DLGAP2: variants seen among roughly 807,000 people sequenced by gnomAD.
DLGAP2 encodes disks large-associated protein 2.
DLGAP2 carries 26 observed loss-of-function variants against 100.3 expected under a neutral mutation model. The observed-to-expected ratio is 0.26, with a 90% CI of 0.19 to 0.36. The LOEUF (loss-of-function observed/expected upper bound fraction) is 0.36. Ranked by LOEUF, DLGAP2 falls within the 10% of genes least tolerant of loss-of-function variation. The probability of loss-of-function intolerance (pLI) is 1.00; values close to 1 mark genes in which losing one functional copy is unlikely to be tolerated. For synonymous variants in DLGAP2, 886 were observed against 630.1 expected (o/e 1.41, Z -6.08); for missense variants, 1,858 against 1,453.2 (o/e 1.28, Z -4.53).
intron 4 of DLGAP2, among the ~76,000 whole-genome samples, chr8:1,507,595 G>A (rs907423610): frequency 6.6e-6 from 1 of 152,186 alleles, no homozygotes. Flanking sequence ...CCTCAAGTGC[G>A]GCCGGAGTGG....
intron 3 of DLGAP2, among the ~76,000 whole-genome samples, chr8:1,303,196 G>C (rs1231380676): frequency 6.6e-6 from 1 of 152,196 alleles, no homozygotes. Context: ...AGGAGCTCAA[G>C]ACCATCCTGG....
At chr8:1,662,024 C>G (rs1473773332) in intron 8 of DLGAP2, among the ~76,000 whole-genome samples, 1 of 152,184 alleles carries the variant, frequency 6.6e-6, no homozygotes, top group Non-Finnish European at 1.5e-5. Context: ...CACAGCAAGA[C>G]CTCAGGGGAA....
At chr8:1,463,908 C>T (rs549162606) in intron 3 of DLGAP2, among the ~76,000 whole-genome samples, 9 of 152,262 alleles carry the variant, frequency 5.9e-5, no homozygotes, top group Non-Finnish European at 1.0e-4. Flanking sequence ...GAGCTGCACG[C>T]GCTCCTGGGA....
intron 3 of DLGAP2, among the ~76,000 whole-genome samples, chr8:1,371,611 T>A (rs757893138): frequency 2.6e-5 from 4 of 152,208 alleles, no homozygotes; most frequent in Non-Finnish European, 5.9e-5. Flanking sequence ...TTGAAGATCT[T>A]TTATGTTTTC....
intron 3 of DLGAP2, among the ~76,000 whole-genome samples, chr8:1,479,295 A>C (rs1340827904): frequency 3.3e-5 from 5 of 152,226 alleles, no homozygotes; most frequent in African/African-American, 9.6e-5. Context: ...GTGGGGACAG[A>C]ATAAGATGCT....
At chr8:1,241,740 G>A (rs1798801238) in intron 2 of DLGAP2, among the ~76,000 whole-genome samples, 1 of 45,994 alleles carries the variant, frequency 2.2e-5, no homozygotes, top group Non-Finnish European at 4.2e-5. Context: ...ACATATGTAA[G>A]TGGTGAAAAA....
chr8:1,280,948 A>G (rs1406167111), intron 3 of DLGAP2, among the ~76,000 whole-genome samples: 1 of 152,200 alleles, frequency 6.6e-6, no homozygotes, highest in East Asian at 1.9e-4. Flanking sequence ...TATATGGGGA[A>G]TGTGGATTTG....
intron 5 of DLGAP2, among the ~76,000 whole-genome samples, chr8:1,562,454 G>C (rs1376409778): frequency 3.6e-5 from 2 of 56,024 alleles, no homozygotes; most frequent in African/African-American, 7.2e-5. Context: ...CCTCGTTGCT[G>C]CGGGACTGTG....
intron 8 of DLGAP2, among the ~76,000 whole-genome samples, chr8:1,653,395 C>G (rs1798211333): frequency 6.6e-6 from 1 of 152,208 alleles, no homozygotes; most frequent in Admixed American, 6.5e-5. Flanking sequence ...CAGAACCGAG[C>G]CCGGGTATCC....
At chr8:924,578 T>C (rs1477198908) in intron 2 of DLGAP2, among the ~76,000 whole-genome samples, 1 of 152,044 alleles carries the variant, frequency 6.6e-6, no homozygotes, top group Non-Finnish European at 1.5e-5. Context: ...GGTTATTCTT[T>C]TTTTTTTTTC....
intron 6 of DLGAP2, among the ~76,000 whole-genome samples, chr8:1,575,062 C>T (rs1297300119): frequency 7.2e-5 from 11 of 152,178 alleles, no homozygotes; most frequent in Admixed American, 3.3e-4. Context: ...GTCATAATAA[C>T]GCACAACAAG....
rs940457890 is a variant in DLGAP2, at chr8:1,173,498, G to A, written c.74-85353G>A. On this transcript the variant is annotated intron_variant, in intron 2 of 14. Transcript: ENST00000637795. The stretch of plus-strand genomic sequence containing the variant: ...CCTGCCCCCAGAGGTGTAGCCTACA[G>A]AGGCAGGCAGGCCTCCTTGAGCTGT... 3.9e-5 allele frequency among the ~76,000 whole-genome samples: 6 copies of A among 152,338 alleles called. No individual in the cohort carries two copies. The South Asian group carries it at 1.0e-3, about 26-fold the overall frequency.
intron 3 of DLGAP2, among the ~76,000 whole-genome samples, chr8:1,373,271 C>A (rs758919415): frequency 2.0e-5 from 3 of 151,848 alleles, no homozygotes; most frequent in Non-Finnish European, 4.4e-5. Flanking sequence ...CCGCCACGCG[C>A]GTGCGGCCCG....
At chr8:805,471 C>G (rs1012889616) in intron 1 of DLGAP2, among the ~76,000 whole-genome samples, 1 of 152,114 alleles carries the variant, frequency 6.6e-6, no homozygotes, top group Non-Finnish European at 1.5e-5. Flanking sequence ...AAGATCTTCC[C>G]TGAAAATAAA....
intron 2 of DLGAP2, among the ~76,000 whole-genome samples, chr8:993,827 T>TA (rs1010683400): frequency 2.0e-5 from 3 of 150,488 alleles, no homozygotes; most frequent in African/African-American, 7.4e-5. Context: ...GTGTTTGTAT[T>TA]TTTGCTTTCT....
chr8:1,285,043 T>A (rs1799894652), intron 3 of DLGAP2, among the ~76,000 whole-genome samples: 1 of 152,250 alleles, frequency 6.6e-6, no homozygotes, highest in Admixed American at 6.5e-5. Flanking sequence ...TTTTCCATAA[T>A]TTAGCACTAT....
At chr8:1,512,137 G>T (rs1489463393) in intron 4 of DLGAP2, among the ~76,000 whole-genome samples, 1 of 152,232 alleles carries the variant, frequency 6.6e-6, no homozygotes, top group Non-Finnish European at 1.5e-5. Context: ...CCACAGTTCA[G>T]TGGGAGAAGC....
chr8:1,464,004 A>G (rs935388224), intron 3 of DLGAP2, among the ~76,000 whole-genome samples: 1 of 152,252 alleles, frequency 6.6e-6, no homozygotes, highest in Non-Finnish European at 1.5e-5. Context: ...ACCTGGAAGA[A>G]AAAGACCAAA....
intron 8 of DLGAP2, among the ~76,000 whole-genome samples, chr8:1,663,249 A>T (rs894719951): frequency 6.6e-6 from 1 of 152,026 alleles, no homozygotes; most frequent in African/African-American, 2.4e-5. Context: ...GTACATGCAC[A>T]TGCGCACTCC....
Sources: allele counts gnomAD v4.1 joint callset (sites outside exome capture counted in the v4.1 genomes callset), GRCh38; gene constraint gnomAD v4.1.1; transcripts MANE v1.5; gene names NCBI Gene and HGNC (gene_info 2026-07-23, HGNC 2026-07-21).